The following ADGRD1 variants were observed in gnomAD, a reference collection of about 807,000 sequenced individuals.
ADGRD1 encodes adhesion G protein-coupled receptor D1, also known as G-protein coupled receptor 133.
In ADGRD1, 77 loss-of-function variants were observed where a neutral mutation model predicts 113.4. The ratio of observed to expected loss-of-function variants is 0.68; its 90% CI spans 0.57 to 0.82. The LOEUF is 0.82. ADGRD1 is among the 40% of genes least tolerant of loss of function. The pLI is 0.00. For missense variants in ADGRD1, 1,036 were observed against 1,139.1 expected (o/e 0.91, Z 1.30); for synonymous variants, 474 against 475.0 (o/e 1.00, Z 0.03).
In ADGRD1 at chr12:130,981,791, C is replaced by A. The variant is rs1294356705; in HGVS notation, c.311-93C>A. ...TTTAGAATGGGGACAAAATGCTTTT[C>A]GAATGAAAAATAAAAAGCAAAGAGA... On this transcript the variant is annotated intron_variant, in intron 4 of 24. Transcript: ENST00000261654. 7.1e-6 allele frequency: 6 copies of A among 843,770 alleles called. No homozygotes were observed. The East Asian group carries it at 1.2e-4, about 17-fold the overall frequency. The allele number at this position is 843,770 out of a possible 1,614,324, so 52.3% of individuals were successfully genotyped here. A position where few individuals can be genotyped will look rare whatever the true frequency, so the allele number is the denominator to read the frequency against.
chr12:131,037,044 CCTCACTCACTGCACCGGGT>C (rs1412015688), intron 13 of ADGRD1, among the ~76,000 whole-genome samples: 6 of 144,402 alleles, frequency 4.2e-5, no homozygotes, highest in South Asian at 2.3e-4. Flanking sequence ...CTGCATGGGG[CCTCACTCACTGCACCGGGT>C]CTCACTCACT....
At chr12:131,015,124 C>G (rs1018156457) in intron 13 of ADGRD1, among the ~76,000 whole-genome samples, 5 of 152,244 alleles carry the variant, frequency 3.3e-5, no homozygotes, top group Non-Finnish European at 7.3e-5. Flanking sequence ...CTATTTCATT[C>G]TGTTTCACTC....
intron 15 of ADGRD1, among the ~76,000 whole-genome samples, chr12:131,087,078 A>G (rs778124608): frequency 5.9e-5 from 9 of 151,966 alleles, no homozygotes; most frequent in South Asian, 2.1e-4. Flanking sequence ...GCTAATTTTA[A>G]ATTTTTTCGT....
chr12:131,021,573 C>A (rs1214220752), intron 13 of ADGRD1, among the ~76,000 whole-genome samples: 1 of 152,110 alleles, frequency 6.6e-6, no homozygotes, highest in Non-Finnish European at 1.5e-5. Context: ...TCTTGTTGTT[C>A]TAGGGGTTGG....
At position 131,046,439 on chromosome 12, in the gene ADGRD1, C is replaced by A. The variant is rs527574293; in HGVS notation, c.1474-30362C>A. The stretch of plus-strand genomic sequence containing the variant: ...TCAGCGCTCCCTCCCTGGTCAGTGT[C>A]CTCTCTCCCTGGTCAGTGTCCTCCC... On this transcript the variant is annotated intron_variant, in intron 13 of 24. Transcript: ENST00000261654. Among the ~76,000 whole-genome samples the A allele has an allele frequency of 4.8e-4, 34 of 70,808 alleles. 1 individual carries two copies. The South Asian group carries it at 9.6e-3, about 20-fold the overall frequency. 46.5% of individuals were successfully genotyped at this position (70,808 alleles called of 152,430 possible).
intron 18 of ADGRD1, among the ~76,000 whole-genome samples, chr12:131,111,679 C>G (rs1950350462): frequency 6.6e-6 from 1 of 151,496 alleles, no homozygotes; most frequent in African/African-American, 2.4e-5. Flanking sequence ...TTCACTGATT[C>G]TTCTGCCACT....
intron 13 of ADGRD1, among the ~76,000 whole-genome samples, chr12:131,067,387 G>A (rs539897538): frequency 6.6e-6 from 1 of 152,320 alleles, no homozygotes; most frequent in Non-Finnish European, 1.5e-5. Context: ...AAAGAATACT[G>A]GTCAGGCGTC....
Position 131,050,679 on chromosome 12 carries a change from G to C in ADGRD1, c.1474-26122G>C, listed in dbSNP as rs2137040171. Among the ~76,000 whole-genome samples, 1 of 152,214 alleles carries C rather than the reference G, an allele frequency of 6.6e-6. No homozygotes were observed. The highest frequency in any genetic ancestry group is 2.1e-4 in the South Asian group (1 of 4,812). On this transcript the variant is annotated intron_variant, in intron 13 of 24. Coordinates refer to ENST00000261654, the MANE Select transcript of ADGRD1 (RefSeq NM_198827.5). This position sits in a 1 kb window ranked among gnomAD's most constrained non-coding sequence, Gnocchi z 4.8. The stretch of plus-strand genomic sequence containing the variant: ...CGTGGGGACAGTGCCAAGAGGGATG[G>C]TGTTAAGCCAGCGGTCCCCAGACAT...
At position 130,959,145 on chromosome 12, in the gene ADGRD1, A is replaced by G. The variant is rs1205512150; in HGVS notation, c.103+4485A>G. Among the ~76,000 whole-genome samples, 5 of 152,368 alleles carry G rather than the reference A, an allele frequency of 3.3e-5. No homozygotes were observed. The East Asian group carries it at 5.8e-4, about 18-fold the overall frequency. ...GTATAGAGCGAGAGCCTGATCTTCCAAACGCCAGCCTACTTTCCACCACGG... is the reference window on the plus strand; with the variant it reads ...GTATAGAGCGAGAGCCTGATCTTCCGAACGCCAGCCTACTTTCCACCACGG... On this transcript the variant is annotated intron_variant, in intron 2 of 24. Transcript: ENST00000261654.
intron 13 of ADGRD1, among the ~76,000 whole-genome samples, chr12:131,014,845 G>C (rs1878372436): frequency 6.6e-6 from 1 of 152,216 alleles, no homozygotes; most frequent in Admixed American, 6.5e-5. Flanking sequence ...GTTTTTGCCA[G>C]TGAGTAGGAC....
chr12:131,130,191 G>A (rs1285349644), intron 20 of ADGRD1, among the ~76,000 whole-genome samples: 2 of 152,224 alleles, frequency 1.3e-5, no homozygotes, highest in Non-Finnish European at 2.9e-5. Flanking sequence ...CATGCTGGGT[G>A]GCTAATGTGT....
intron 14 of ADGRD1, among the ~76,000 whole-genome samples, chr12:131,079,527 G>A (rs1885904480): frequency 6.6e-6 from 1 of 152,108 alleles, no homozygotes; most frequent in Non-Finnish European, 1.5e-5. Flanking sequence ...ATTTTGGGAT[G>A]CACTTTGGAA....
At chr12:131,070,627 A>T (rs1273489088) in intron 13 of ADGRD1, 1 of 318,620 alleles carries the variant, frequency 3.1e-6, no homozygotes, top group African/African-American at 2.2e-5. Flanking sequence ...CTGCTGCGTC[A>T]TCCAGGTGAG....
In ADGRD1 at chr12:131,084,550, G is replaced by T; in HGVS notation, c.1558G>T (p.Gly520Trp). ...CAFLDFSSGE[G>W]VWSNHGCALT... ...CTCCTGTGTCCTCAGCTCCGGAGAA[G>T]GGGTCTGGTCGAACCACGGCTGTGC... The change falls in exon 15 of 25, where the codon GGG (glycine) becomes TGG (tryptophan). Residue 520 changes from glycine to tryptophan, a missense_variant. Transcript: ENST00000261654. The surrounding 1 kb of genome is among the most constrained non-coding windows in gnomAD (Gnocchi z 4.5). 1 of 1,614,128 alleles carries T rather than the reference G, an allele frequency of 6.2e-7. No homozygotes were observed. The highest frequency in any genetic ancestry group is 8.5e-7 in the Non-Finnish European group (1 of 1,180,008).
intron 21 of ADGRD1, 148 bp from the exon 22 acceptor site, chr12:131,135,889 C>G: frequency 1.4e-6 from 1 of 738,306 alleles, no homozygotes; most frequent in South Asian, 1.8e-5. Flanking sequence ...AATGCCTCAA[C>G]CAGGGCTACC....
rs535949713 is a variant in ADGRD1, at chr12:130,954,835, C to T, written c.103+175C>T. On this transcript the variant is annotated intron_variant, in intron 2 of 24. Coordinates refer to ENST00000261654, the MANE Select transcript of ADGRD1 (RefSeq NM_198827.5). The surrounding 1 kb of genome is among the most constrained non-coding windows in gnomAD (Gnocchi z 4.7). ...GTGACCCTGGGCAGCTCTGCTACCC[C>T]TCACCGGCTGAGCGGTGGATGGAGA... 6.6e-6 allele frequency among the ~76,000 whole-genome samples: 1 copy of T among 152,338 alleles called. No individual in the cohort carries two copies. Among genetic ancestry groups the T allele is most frequent in the African/African-American group, 2.4e-5 (1 of 41,576 alleles).
chr12:131,080,201 T>C (rs1398152966), intron 14 of ADGRD1, among the ~76,000 whole-genome samples: 15 of 152,236 alleles, frequency 9.9e-5, no homozygotes, highest in South Asian at 2.1e-4. Flanking sequence ...TTTCTAATTT[T>C]CCTTGTGACT....
chr12:131,068,309 A>G (rs989441122), intron 13 of ADGRD1, among the ~76,000 whole-genome samples: 12 of 151,832 alleles, frequency 7.9e-5, no homozygotes, highest in African/African-American at 2.4e-4. Context: ...GGAATGGTCA[A>G]CTCTGGGCAT....
At chr12:131,102,826 A>G (rs2137313226) in intron 15 of ADGRD1, among the ~76,000 whole-genome samples, 1 of 152,312 alleles carries the variant, frequency 6.6e-6, no homozygotes, top group East Asian at 1.9e-4. Context: ...AGGTTTATCC[A>G]TGGGAGAAGG....
Sources: gnomAD v4.1 joint callset for allele counts (sites outside exome capture counted in the v4.1 genomes callset) on GRCh38, gnomAD v4.1.1 for gene constraint, Gnocchi (gnomAD v3.1) non-coding constraint, MANE v1.5 for transcripts, NCBI Gene and HGNC (gene_info 2026-07-23, HGNC 2026-07-21) for gene names.